The following SRCAP variants were observed in gnomAD, a reference collection of about 807,000 sequenced individuals.
The protein encoded by SRCAP is chromatin remodeling protein SRCAP.
SRCAP carries 46 observed loss-of-function variants against 263.1 expected under a neutral mutation model. The observed-to-expected ratio is 0.17, with a 90% CI of 0.14 to 0.22. The LOEUF (loss-of-function observed/expected upper bound fraction) is 0.22. SRCAP is among the 10% of genes least tolerant of loss of function. The probability of loss-of-function intolerance (pLI) is 1.00; values close to 1 mark genes in which losing one functional copy is unlikely to be tolerated. For synonymous variants in SRCAP, 1,813 were observed against 1,662.1 expected (o/e 1.09, Z -2.21); for missense variants, 3,695 against 4,181.9 (o/e 0.88, Z 3.21).
chr16:30,731,030 T>G (rs2053110026), intron 27 of SRCAP, among the ~76,000 whole-genome samples: 1 of 152,196 alleles, frequency 6.6e-6, no homozygotes, highest in Admixed American at 6.5e-5. Flanking sequence ...TATCTTTTTA[T>G]TCTCATGCTT....
At chr16:30,723,314 A>G (rs957970785) in intron 24 of SRCAP, 85 bp downstream of exon 24, 5 of 1,507,104 alleles carry the variant, frequency 3.3e-6, no homozygotes, top group Non-Finnish European at 3.5e-6. Flanking sequence ...GTTTTAGTAC[A>G]GGTTTTTTCA....
chr16:30,710,638 G>T (rs754956861), intron 8 of SRCAP, 116 bp from the exon 9 acceptor site: 23 of 1,046,950 alleles, frequency 2.2e-5, no homozygotes, highest in Non-Finnish European at 3.5e-5. Context: ...GATTATACCA[G>T]TGGCAACTGT....
chr16:30,711,105 A>G lies in SRCAP; in HGVS notation c.1318+17A>G, dbSNP rs762395971. On this transcript the variant is annotated intron_variant, in intron 10 of 33. Coordinates refer to ENST00000262518, the MANE Select transcript of SRCAP (RefSeq NM_006662.3). Reference sequence around the variant, plus strand: ...CTCGAGAAGGTGACATTTACCAGACATTTTACTAAGCATCCACTTGGTGTC... The same window carrying G: ...CTCGAGAAGGTGACATTTACCAGACGTTTTACTAAGCATCCACTTGGTGTC... 2.5e-6 allele frequency: 4 copies of G among 1,601,050 alleles called. No individual in the cohort carries two copies. The highest frequency in any genetic ancestry group is 1.3e-5 in the African/African-American group (1 of 74,820).
chr16:30,737,276 T>A lies in SRCAP; in HGVS notation c.7236T>A (p.Thr2412=). 3.1e-6 allele frequency: 5 copies of A among 1,613,606 alleles called. No homozygotes were observed. Among genetic ancestry groups the A allele is most frequent in the Non-Finnish European group, 4.2e-6 (5 of 1,179,908 alleles). Residue 2412 remains threonine, a synonymous_variant, in exon 34 of 34, where the codon ACT becomes ACA. Coordinates refer to ENST00000262518, the MANE Select transcript of SRCAP (RefSeq NM_006662.3). ...ARAETQGANH[T]PVISAHQTRS... ...CTGAGACTCAAGGGGCAAACCACAC[T>A]CCTGTCATATCCGCCCATCAAACTC...
intron 3 of SRCAP, among the ~76,000 whole-genome samples, chr16:30,701,989 C>G (rs2052772185): frequency 6.7e-6 from 1 of 148,886 alleles, no homozygotes; most frequent in African/African-American, 2.5e-5. Context: ...GAGTCTCGCT[C>G]TGTCACCAGG....
intron 4 of SRCAP, among the ~76,000 whole-genome samples, chr16:30,705,187 G>T (rs533293102): frequency 2.2e-4 from 34 of 152,166 alleles, no homozygotes; most frequent in African/African-American, 7.2e-4. Flanking sequence ...TGTAGTCCTA[G>T]CTACTCAGGA....
chr16:30,707,451 G>C, intron 5 of SRCAP, 83 bp downstream of exon 5: 1 of 1,602,506 alleles, frequency 6.2e-7, no homozygotes, highest in Non-Finnish European at 8.5e-7. Context: ...CAGACAGAAT[G>C]GTGTAGGCAT....
rs1596671055 is a variant in SRCAP, at chr16:30,739,763, C to T, written c.*30C>T. On this transcript the variant is annotated 3_prime_UTR_variant, in exon 34 of 34. Transcript: ENST00000262518. ...GCTGCCCCTCCACCTAGGCTTTCCA[C>T]CGTGGCCACTCCCTCCATGACCAGG... 3 of 1,452,392 alleles carry T rather than the reference C, an allele frequency of 2.1e-6. No homozygotes were observed. Among genetic ancestry groups the T allele is most frequent in the Admixed American group, 2.8e-5 (1 of 35,434 alleles). The allele number at this position is 1,452,392 out of a possible 1,614,324, so 90.0% of individuals were successfully genotyped here. A position where few individuals can be genotyped will look rare whatever the true frequency, so the allele number is the denominator to read the frequency against.
intron 3 of SRCAP, among the ~76,000 whole-genome samples, chr16:30,703,731 C>T (rs1025017995): frequency 2.6e-5 from 4 of 151,560 alleles, no homozygotes; most frequent in Non-Finnish European, 5.9e-5. Context: ...CCTGTCTCTA[C>T]TAAAAATACA....
chr16:30,732,622 G>A (rs1351309395), intron 27 of SRCAP, among the ~76,000 whole-genome samples: 1 of 152,170 alleles, frequency 6.6e-6, no homozygotes, highest in Non-Finnish European at 1.5e-5. Context: ...CCATGGATTT[G>A]TTGATATCTA....
At position 30,707,719 on chromosome 16, in the gene SRCAP, AGT is replaced by A. The variant is rs2052843200; in HGVS notation, c.633+9_633+10del. On this transcript the variant is annotated splice_region_variant and intron_variant, in intron 6 of 33. Transcript: ENST00000262518. ...CTGGAGCAATGTGGAGAAGGTAGACAGTGGGGATCAGGAAAGGAAAATGGCCT... is the reference window on the plus strand; with the variant it reads ...CTGGAGCAATGTGGAGAAGGTAGACAGGGGATCAGGAAAGGAAAATGGCCT... The A allele has an allele frequency of 2.5e-6, 4 of 1,613,996 alleles. No homozygotes were observed. The highest frequency in any genetic ancestry group is 3.4e-6 in the Non-Finnish European group (4 of 1,179,962).
rs1421243901 is a variant in SRCAP at position 30,713,061 on chromosome 16, C to G, written c.2131-147C>G. 1.4e-5 allele frequency: 14 copies of G among 992,538 alleles called. No individual in the cohort carries two copies. In the Admixed American group the frequency reaches 1.7e-4, roughly 12 times the overall value. 61.5% of individuals were successfully genotyped at this position (992,538 alleles called of 1,614,324 possible). A position where few individuals can be genotyped will look rare whatever the true frequency, so the allele number is the denominator to read the frequency against. On this transcript the variant is annotated intron_variant, in intron 14 of 33. Coordinates refer to ENST00000262518, the MANE Select transcript of SRCAP (RefSeq NM_006662.3). ...AGCTGTGAGCCACCGCACCCAGGCC[C>G]CTCCTCTTTCTGTCGCTCCATTCTT...
chr16:30,723,619 TCTC>T lies in SRCAP; in HGVS notation c.4199_4201del (p.Pro1400del), dbSNP rs530668607. On this transcript the variant is annotated inframe_deletion, in exon 25 of 34. Coordinates refer to ENST00000262518, the MANE Select transcript of SRCAP (RefSeq NM_006662.3). ...CGGAGCTGCCCCCTTGACCATCTCT[TCTC>T]CTCTCCACGTGCCATCCTCCCTCCC... 186 of 1,613,350 alleles carry T rather than the reference TCTC, an allele frequency of 1.2e-4. No homozygotes were observed. The highest frequency in any genetic ancestry group is 7.1e-4 in the South Asian group (65 of 91,034).
intron 1 of SRCAP, among the ~76,000 whole-genome samples, 181 bp from the exon 2 acceptor site, chr16:30,699,727 T>C (rs929435195): frequency 2.6e-5 from 4 of 152,206 alleles, no homozygotes; most frequent in African/African-American, 4.8e-5. Flanking sequence ...CCTTTCCTGC[T>C]CCTGCCCCCA....
Position 30,710,761 on chromosome 16 carries a change from C to A in SRCAP, c.1142C>A (p.Pro381His). 1 of 1,614,152 alleles carries A rather than the reference C, an allele frequency of 6.2e-7. No individual in the cohort carries two copies. The highest frequency in any genetic ancestry group is 8.5e-7 in the Non-Finnish European group (1 of 1,180,042). The stretch of plus-strand genomic sequence containing the variant: ...TTATCTTTTGCCATACAGATAAAGC[C>A]CCCACCCTCTGCTGTCACACAGCGC... ...EEPPQVLEIK[P>H]PPSAVTQRNK... The change falls in exon 9 of 34, where the codon CCC (proline) becomes CAC (histidine). Residue 381 changes from proline to histidine, a missense_variant. Pro to His is a moderately conservative substitution (Grantham distance 77). This residue lies in a region of SRCAP where 288 missense variants were observed against 302.4 expected (regional missense o/e 0.95). Coordinates refer to ENST00000262518, the MANE Select transcript of SRCAP (RefSeq NM_006662.3).
intron 16 of SRCAP, among the ~76,000 whole-genome samples, 194 bp from the exon 17 acceptor site, chr16:30,715,872 T>A (rs541487490): frequency 9.8e-5 from 15 of 152,318 alleles, no homozygotes; most frequent in Admixed American, 3.3e-4. Flanking sequence ...TCACTTCCTG[T>A]GTCATGGTAT....
At chr16:30,734,346 G>GA in intron 30 of SRCAP, 150 bp from the exon 31 acceptor site, 1 of 1,251,342 alleles carries the variant, frequency 8.0e-7, no homozygotes, top group East Asian at 2.4e-5. Context: ...TCTCAAAAAA[G>GA]AAAAAACAAA....
At chr16:30,707,435 G>A in intron 5 of SRCAP, 67 bp downstream of exon 5, 1 of 1,602,564 alleles carries the variant, frequency 6.2e-7, no homozygotes, top group Middle Eastern at 2.0e-4. Flanking sequence ...TTTGTTGGAA[G>A]GGGACCAGAC....
chr16:30,701,953 T>TTTC (rs1284381998), intron 3 of SRCAP, among the ~76,000 whole-genome samples: 5 of 126,596 alleles, frequency 3.9e-5, no homozygotes, highest in African/African-American at 2.0e-4. Flanking sequence ...TCTTTCTTTC[T>TTTC]TTTTTTTTTT....
Sources: gnomAD v4.1 joint callset for allele counts (sites outside exome capture counted in the v4.1 genomes callset) on GRCh38, gnomAD v4.1.1 for gene constraint, gnomAD v4.1.1 regional missense constraint, MANE v1.5 for transcripts, NCBI Gene and HGNC (gene_info 2026-07-23, HGNC 2026-07-21) for gene names.